The following R3HDM2 variants were observed in gnomAD, a reference collection of about 807,000 sequenced individuals.
R3HDM2 encodes R3H domain containing 2, also known as R3H domain-containing protein 2.
Under a neutral mutation model 124.5 loss-of-function variants are expected in R3HDM2, and 38 were observed. The observed-to-expected ratio is 0.31, with a 90% CI of 0.24 to 0.40. R3HDM2 has a LOEUF of 0.40. Among genes scored for constraint, R3HDM2 ranks in the 10% least tolerant of loss-of-function variants. The pLI, the probability that R3HDM2 is intolerant of heterozygous loss-of-function variation, is 1.00. For missense variants in R3HDM2, 869 were observed against 1,236.9 expected (o/e 0.70, Z 4.46); for synonymous variants, 391 against 448.0 (o/e 0.87, Z 1.61).
rs1231819963 is a variant in R3HDM2 at position 57,296,029 on chromosome 12, C to T, written c.701+382G>A. On this transcript the variant is annotated intron_variant, in intron 9 of 23. Coordinates refer to ENST00000402412, the MANE Select transcript of R3HDM2 (RefSeq NM_001394031.1). The surrounding 1 kb of genome is among the most constrained non-coding windows in gnomAD (Gnocchi z 4.5). ...GGATTACAGGCGCCTGCCACCGCGC[C>T]CGGCTAATTTTTGTATTTTTAGTAG... Among the ~76,000 whole-genome samples the T allele has an allele frequency of 6.6e-6, 1 of 152,094 alleles. No individual in the cohort carries two copies. The highest frequency in any genetic ancestry group is 1.5e-5 in the Non-Finnish European group (1 of 68,018).
intron 2 of R3HDM2, among the ~76,000 whole-genome samples, chr12:57,371,083 CTTTTTTTTTTTTTTTTTTTTTTTTTT>C (rs775839017): frequency 2.4e-5 from 1 of 40,886 alleles, no homozygotes; most frequent in Non-Finnish European, 4.4e-5. Flanking sequence ...TATACCATTA[CTTTTTTTTTTTTTTTTTTTTTTTTTT>C]TTTTAAGATA....
chr12:57,355,759 T>C (rs1219463046), intron 2 of R3HDM2, among the ~76,000 whole-genome samples: 1 of 152,208 alleles, frequency 6.6e-6, no homozygotes, highest in East Asian at 1.9e-4. Flanking sequence ...ATATCAAGTC[T>C]TCTGATCCAT....
intron 2 of R3HDM2, among the ~76,000 whole-genome samples, chr12:57,360,520 G>A (rs1278013039): frequency 6.6e-6 from 1 of 151,994 alleles, no homozygotes; most frequent in Admixed American, 6.6e-5. Flanking sequence ...GAAGCAGGGA[G>A]CTAAGGTGGG....
chr12:57,311,065 G>A (rs903392124), intron 2 of R3HDM2, among the ~76,000 whole-genome samples: 14 of 151,966 alleles, frequency 9.2e-5, no homozygotes, highest in Admixed American at 2.6e-4. Context: ...AAATTATAAA[G>A]CTCCATTGAC....
chr12:57,401,352 A>G (rs1228360074), intron 1 of R3HDM2, among the ~76,000 whole-genome samples: 1 of 152,054 alleles, frequency 6.6e-6, no homozygotes, highest in African/African-American at 2.4e-5. Flanking sequence ...CATCATGCAA[A>G]GAAGCCAAGC....
chr12:57,351,274 T>C (rs1159746193), intron 2 of R3HDM2, among the ~76,000 whole-genome samples: 1 of 151,996 alleles, frequency 6.6e-6, no homozygotes, highest in Non-Finnish European at 1.5e-5. Context: ...CTGATTAAAA[T>C]AAAAAACTGT....
chr12:57,413,428 TAAAAAAAAAAAA>T (rs748462019), intron 1 of R3HDM2, among the ~76,000 whole-genome samples: 1 of 106,516 alleles, frequency 9.4e-6, no homozygotes. Context: ...ACCTTCTATT[TAAAAAAAAAAAA>T]AAAAAAAAAA....
At chr12:57,425,858 G>A (rs1016252559) in intron 1 of R3HDM2, among the ~76,000 whole-genome samples, 5 of 152,042 alleles carry the variant, frequency 3.3e-5, no homozygotes, top group African/African-American at 7.2e-5. Context: ...TAGCCAAACC[G>A]CCCCAAAGAG....
Position 57,392,805 on chromosome 12 carries a change from T to C in R3HDM2, c.-36+2944A>G, listed in dbSNP as rs917626120. 9.2e-4 allele frequency among the ~76,000 whole-genome samples: 86 copies of C among 93,666 alleles called. No homozygotes were observed. In the East Asian group the frequency reaches 0.02, roughly 22 times the overall value. The allele number at this position is 93,666 out of a possible 152,430, so 61.4% of individuals were successfully genotyped here. ...CCAGCAGTTCAATTCTATAGTACAC[T>C]TTTTTTTTTTTTTTTTTTTGCTAGA... On this transcript the variant is annotated intron_variant, in intron 2 of 23. Coordinates refer to ENST00000402412, the MANE Select transcript of R3HDM2 (RefSeq NM_001394031.1).
chr12:57,386,344 T>C (rs4760305), intron 2 of R3HDM2, among the ~76,000 whole-genome samples: 67,832 of 152,182 alleles, frequency 0.45, 15,675 homozygotes, highest in South Asian at 0.52. Context: ...AGGCTGCCCA[T>C]GGCGCTTGCG....
chr12:57,272,403 A>G, intron 14 of R3HDM2: 1 of 1,441,712 alleles, frequency 6.9e-7, no homozygotes, highest in Non-Finnish European at 9.5e-7. Flanking sequence ...ACATACCTAC[A>G]GATACAGGCC....
At chr12:57,328,253 G>C (rs116319947) in intron 2 of R3HDM2, among the ~76,000 whole-genome samples, 1,718 of 152,162 alleles carry the variant, frequency 0.011, 29 homozygotes, top group African/African-American at 0.039. Flanking sequence ...GTAGAGACAG[G>C]GTTTCGCTGT....
intron 1 of R3HDM2, among the ~76,000 whole-genome samples, chr12:57,424,152 CTG>C (rs1247159950): frequency 7.7e-6 from 1 of 129,070 alleles, no homozygotes; most frequent in Non-Finnish European, 1.6e-5. Flanking sequence ...AACAAAGAAA[CTG>C]TAAGTGAACA....
At chr12:57,256,572 G>A (rs1406261478) in intron 21 of R3HDM2, 61 bp from the exon 22 acceptor site, 16 of 1,269,212 alleles carry the variant, frequency 1.3e-5, no homozygotes, top group Non-Finnish European at 1.7e-5. Context: ...ACTTTTATAA[G>A]ACTTCAAGGG....
At chr12:57,350,771 A>G (rs942718833) in intron 2 of R3HDM2, among the ~76,000 whole-genome samples, 2 of 152,180 alleles carry the variant, frequency 1.3e-5, no homozygotes, top group African/African-American at 4.8e-5. Context: ...CCTGGGCAAC[A>G]TAGGAAGACC....
intron 2 of R3HDM2, among the ~76,000 whole-genome samples, chr12:57,364,466 TAAAAAG>T (rs540095583): frequency 0.012 from 1,882 of 152,124 alleles, 21 homozygotes; most frequent in Non-Finnish European, 0.021. Flanking sequence ...CTGGGTGTCT[TAAAAAG>T]AAAATTTATT....
At chr12:57,259,876 A>C (rs1368220098) in intron 19 of R3HDM2, among the ~76,000 whole-genome samples, 1 of 152,142 alleles carries the variant, frequency 6.6e-6, no homozygotes, top group African/African-American at 2.4e-5. Flanking sequence ...TTTATCCTGT[A>C]GGTGTTGGGA....
chr12:57,362,704 A>G (rs983533040), intron 2 of R3HDM2, among the ~76,000 whole-genome samples: 1 of 152,250 alleles, frequency 6.6e-6, no homozygotes, highest in Admixed American at 6.5e-5. Context: ...TGCACGTTAT[A>G]AACCCCACAG....
chr12:57,336,047 A>C (rs1283490038), intron 2 of R3HDM2, among the ~76,000 whole-genome samples: 3 of 151,848 alleles, frequency 2.0e-5, no homozygotes, highest in Non-Finnish European at 2.9e-5. Context: ...CCACAATGAG[A>C]TACCATACCA....
Sources: allele counts gnomAD v4.1 joint callset (sites outside exome capture counted in the v4.1 genomes callset), GRCh38; gene constraint gnomAD v4.1.1; non-coding constraint Gnocchi (gnomAD v3.1); transcripts MANE v1.5; gene names NCBI Gene and HGNC (gene_info 2026-07-23, HGNC 2026-07-21).